SEMA7A: variants seen among roughly 807,000 people sequenced by gnomAD.
SEMA7A encodes semaphorin-7A.
Under a neutral mutation model 67.5 loss-of-function variants are expected in SEMA7A, and 21 were observed. The observed-to-expected ratio is 0.31, with a 90% CI of 0.22 to 0.45. SEMA7A has a LOEUF of 0.45. SEMA7A is among the 20% of genes least tolerant of loss of function. SEMA7A has a pLI of 1.00. For missense variants in SEMA7A, 774 were observed against 908.6 expected (o/e 0.85, Z 1.90); for synonymous variants, 364 against 368.5 (o/e 0.99, Z 0.14).
At position 74,414,663 on chromosome 15, in the gene SEMA7A, G is replaced by A. The variant is rs758797518; in HGVS notation, c.1178C>T (p.Pro393Leu). ...RHPEVAQRVE[P>L]MGPLKTPLFH... ...CAATGGCGTCTTCAGAGGCCCCATGGGCTCCACCCTCTGCGCCACCTCTGG... is the reference window on the plus strand; with the variant it reads ...CAATGGCGTCTTCAGAGGCCCCATGAGCTCCACCCTCTGCGCCACCTCTGG... The change falls in exon 10 of 14, where the codon CCC (proline) becomes CTC (leucine). Residue 393 changes from proline (P) to leucine (L), a missense_variant. By Grantham distance (98) the Pro-to-Leu change is moderately conservative. Around this residue, in one of 2 missense-constraint regions of SEMA7A, gnomAD observed 427 missense variants for 555.4 expected, o/e 0.77. Transcript: ENST00000261918. This position sits in a 1 kb window ranked among gnomAD's most constrained non-coding sequence, Gnocchi z 4.1. 1.2e-6 allele frequency: 2 copies of A among 1,614,128 alleles called. No individual in the cohort carries two copies. Among genetic ancestry groups the A allele is most frequent in the South Asian group, 2.2e-5 (2 of 91,080 alleles).
At position 74,433,886 on chromosome 15, in the gene SEMA7A, G is replaced by A. The variant is rs1184099316; in HGVS notation, c.33C>T (p.Pro11=). 2 of 1,269,208 alleles carry A rather than the reference G, an allele frequency of 1.6e-6. No individual in the cohort carries two copies. Among genetic ancestry groups the A allele is most frequent in the East Asian group, 6.3e-5 (2 of 31,612 alleles). The allele number at this position is 1,269,208 out of a possible 1,614,324, so 78.6% of individuals were successfully genotyped here. A position where few individuals can be genotyped will look rare whatever the true frequency, so the allele number is the denominator to read the frequency against. Residue 11 remains proline (P), a synonymous_variant, in exon 1 of 14, where the codon CCC becomes CCT. Transcript: ENST00000261918. MTPPPPGRAA[P]SAPRARVPGP... ...CAGGGACGCGGGCGCGCGGTGCGCT[G>A]GGGGCGGCACGTCCGGGCGGAGGAG...
In SEMA7A at chr15:74,417,587, C is replaced by G. The variant is rs2060962622; in HGVS notation, c.550+4G>C. The stretch of plus-strand genomic sequence containing the variant: ...CTGGGGCGCCTGCTCCAGCACTGCC[C>G]TACCTTCAAACAGAACCAGGGAGTT... On this transcript the variant is annotated splice_donor_region_variant and intron_variant, in intron 5 of 13. Coordinates refer to ENST00000261918, the MANE Select transcript of SEMA7A (RefSeq NM_003612.5). The G allele has an allele frequency of 1.2e-6, 2 of 1,612,026 alleles. No homozygotes were observed. The highest frequency in any genetic ancestry group is 1.7e-4 in the Middle Eastern group (1 of 6,060).
rs2061017332 is a variant in SEMA7A at position 74,423,445 on chromosome 15, G to T, written c.179-4493C>A. Among the ~76,000 whole-genome samples the T allele has an allele frequency of 6.6e-6, 1 of 152,118 alleles. No homozygotes were observed. The highest frequency in any genetic ancestry group is 2.4e-5 in the African/African-American group (1 of 41,424). ...CACCGGCCCAAGGACACAGAGCGAGGGAAGCTCCAAGTTTCCAGTACCCAT... is the reference window on the plus strand; with the variant it reads ...CACCGGCCCAAGGACACAGAGCGAGTGAAGCTCCAAGTTTCCAGTACCCAT... On this transcript the variant is annotated intron_variant, in intron 1 of 13. Transcript: ENST00000261918. This position sits in a 1 kb window ranked among gnomAD's most constrained non-coding sequence, Gnocchi z 4.1.
intron 4 of SEMA7A, 41 bp downstream of exon 4, chr15:74,417,836 G>A (rs2060965233): frequency 6.3e-7 from 1 of 1,598,066 alleles, no homozygotes; most frequent in Admixed American, 1.7e-5. Flanking sequence ...CCACGCAGTA[G>A]AAGGTGAGCT....
At chr15:74,431,766 G>A (rs544407286) in intron 1 of SEMA7A, among the ~76,000 whole-genome samples, 2 of 152,384 alleles carry the variant, frequency 1.3e-5, no homozygotes, top group South Asian at 2.1e-4. Flanking sequence ...CCCTGGGGGT[G>A]GGGGGCAGGT....
rs1320348943 is a variant in SEMA7A at position 74,414,525 on chromosome 15, G to A, written c.1294+22C>T. 2 of 1,609,950 alleles carry A rather than the reference G, an allele frequency of 1.2e-6. No individual in the cohort carries two copies. The highest frequency in any genetic ancestry group is 1.1e-5 in the South Asian group (1 of 90,984). ...TGCCCGTTTTTACAAAGCAAACTGA[G>A]GGTCCCGGGGTAGCCTCTCACCTGT... is the stretch of plus-strand genomic sequence containing the variant. On this transcript the variant is annotated intron_variant, in intron 10 of 13. Coordinates refer to ENST00000261918, the MANE Select transcript of SEMA7A (RefSeq NM_003612.5). The surrounding 1 kb of genome is among the most constrained non-coding windows in gnomAD (Gnocchi z 4.1).
chr15:74,420,831 G>A (rs908774359), intron 1 of SEMA7A, among the ~76,000 whole-genome samples: 6 of 152,172 alleles, frequency 3.9e-5, no homozygotes, highest in Admixed American at 3.3e-4. Context: ...CCCATCCACC[G>A]ATAGCCAGAC....
rs2060960993 is a variant in SEMA7A, at chr15:74,417,427, G to A, written c.569C>T (p.Thr190Ile). Reference protein sequence around the residue: ...VLFEGDEVYSTIRKQEYNGKI... With the variant: ...VLFEGDEVYSIIRKQEYNGKI... ...CCCATTGTATTCCTGCTTCCGGATG[G>A]TGGAATACACCTCGTCCCCTGGGGT... The change falls in exon 6 of 14, where the codon ACC becomes ATC. Residue 190 changes from threonine (T) to isoleucine (I), a missense_variant. By Grantham distance (89) the Thr-to-Ile change is moderately conservative (BLOSUM62 -1). Coordinates refer to ENST00000261918, the MANE Select transcript of SEMA7A (RefSeq NM_003612.5). 5.0e-6 allele frequency: 8 copies of A among 1,613,810 alleles called. No individual in the cohort carries two copies. Among genetic ancestry groups the A allele is most frequent in the Middle Eastern group, 3.3e-4 (2 of 6,084 alleles).
rs1169827546 is a variant in SEMA7A at position 74,414,938 on chromosome 15, G to A, written c.995C>T (p.Ser332Leu). ...ACCGAGGGAATACACACAGACGGCTGAGTAGTTCCTGCAGTGACATGGAGA... is the reference window on the plus strand; with the variant it reads ...ACCGAGGGAATACACACAGACGGCTAAGTAGTTCCTGCAGTGACATGGAGA... ...YGVFSNPWNY[S>L]AVCVYSLGDI... Residue 332 changes from serine (S) to leucine (L), a missense_variant, in exon 9 of 14, where the codon TCA becomes TTA. By Grantham distance (145) the Ser-to-Leu change is moderately radical (BLOSUM62 -2). Transcript: ENST00000261918. The surrounding 1 kb of genome is among the most constrained non-coding windows in gnomAD (Gnocchi z 4.1). 1 of 1,613,864 alleles carries A rather than the reference G, an allele frequency of 6.2e-7. No homozygotes were observed. The highest frequency in any genetic ancestry group is 8.5e-7 in the Non-Finnish European group (1 of 1,179,888).
Position 74,418,291 on chromosome 15 carries a change from T to C in SEMA7A, c.349A>G (p.Lys117Glu). ...ACCCGCTTATCCAGACAGGACCCCT[T>C]TGTGGAGCCGATATTCACCTGGGGG... Reference protein sequence around the residue: ...SVRTVNIGSTKGSCLDKRDCE... With the variant: ...SVRTVNIGSTEGSCLDKRDCE... The change falls in exon 3 of 14, where the codon AAG (lysine) becomes GAG (glutamate). Residue 117 changes from lysine to glutamate, a missense_variant. By Grantham distance (56) the Lys-to-Glu change is moderately conservative. Coordinates refer to ENST00000261918, the MANE Select transcript of SEMA7A (RefSeq NM_003612.5). 5 of 1,611,548 alleles carry C rather than the reference T, an allele frequency of 3.1e-6. No individual in the cohort carries two copies. The South Asian group carries it at 5.5e-5, about 18-fold the overall frequency.
intron 1 of SEMA7A, among the ~76,000 whole-genome samples, chr15:74,421,845 A>T (rs1306034371): frequency 6.6e-6 from 1 of 152,202 alleles, no homozygotes; most frequent in African/African-American, 2.4e-5. Context: ...CTGCCCAGGC[A>T]GGGGCTGAGC....
In SEMA7A at chr15:74,416,865, C is replaced by T. The variant is rs191682710; in HGVS notation, c.662-151G>A. On this transcript the variant is annotated intron_variant, in intron 6 of 13. Coordinates refer to ENST00000261918, the MANE Select transcript of SEMA7A (RefSeq NM_003612.5). The stretch of plus-strand genomic sequence containing the variant: ...ACTCAGAACATCAGGTCCAACTCCC[C>T]GAGGGGCCCTAGACCCTGCACCTCC... The T allele has an allele frequency of 1.2e-4, 101 of 828,606 alleles. No individual in the cohort carries two copies. The Admixed American group carries it at 1.5e-3, about 12-fold the overall frequency. 51.3% of individuals were successfully genotyped at this position (828,606 alleles called of 1,614,324 possible).
intron 6 of SEMA7A, 109 bp from the exon 7 acceptor site, chr15:74,416,823 A>G (rs978713362): frequency 9.5e-6 from 12 of 1,257,860 alleles, no homozygotes; most frequent in Middle Eastern, 2.4e-4. Flanking sequence ...ACCATGGCAA[A>G]TCAGATCTGG....
chr15:74,409,539 G>A lies in SEMA7A; in HGVS notation c.*1085C>T, dbSNP rs966800976. 8.5e-5 allele frequency: 13 copies of A among 152,252 alleles called. 1 individual carries two copies. Among genetic ancestry groups the A allele is most frequent in the African/African-American group, 2.9e-4 (12 of 41,454 alleles). 9.4% of individuals were successfully genotyped at this position (152,252 alleles called of 1,614,324 possible). On this transcript the variant is annotated 3_prime_UTR_variant, in exon 14 of 14. Coordinates refer to ENST00000261918, the MANE Select transcript of SEMA7A (RefSeq NM_003612.5). ...TTTAGCCTAAGTTATAACATGTCCT[G>A]AGCGAAGGTGGGAGGCTAGGAGCAT...
chr15:74,429,787 GC>G (rs1431551023), intron 1 of SEMA7A, among the ~76,000 whole-genome samples: 1 of 151,966 alleles, frequency 6.6e-6, no homozygotes, highest in Non-Finnish European at 1.5e-5. Context: ...TCACATGGGG[GC>G]CCCTCACATG....
chr15:74,429,338 C>A (rs2061068528), intron 1 of SEMA7A, among the ~76,000 whole-genome samples: 1 of 152,164 alleles, frequency 6.6e-6, no homozygotes, highest in Non-Finnish European at 1.5e-5. Context: ...CCTTGCTTGG[C>A]CCTCCTCAAA....
At position 74,416,034 on chromosome 15, in the gene SEMA7A, C is replaced by T. The variant is rs778722704; in HGVS notation, c.802-49G>A. 14 of 1,564,132 alleles carry T rather than the reference C, an allele frequency of 9.0e-6. No individual in the cohort carries two copies. In the East Asian group the frequency reaches 2.9e-4, roughly 33 times the overall value. The stretch of plus-strand genomic sequence containing the variant: ...GGCCCCTCAGCACCTGCCCGGGCTT[C>T]CCCACACACCCCAGGAAACCACTGC... On this transcript the variant is annotated intron_variant, in intron 7 of 13. Coordinates refer to ENST00000261918, the MANE Select transcript of SEMA7A (RefSeq NM_003612.5).
At chr15:74,416,739 C>T (rs373620148) in intron 6 of SEMA7A, 25 bp from the exon 7 acceptor site, 44 of 1,609,754 alleles carry the variant, frequency 2.7e-5, no homozygotes, top group Admixed American at 3.3e-5. Context: ...GGCGAGTGGG[C>T]GTAAGGCTGG....
chr15:74,420,949 C>G (rs2060995447), intron 1 of SEMA7A, among the ~76,000 whole-genome samples: 1 of 152,250 alleles, frequency 6.6e-6, no homozygotes, highest in Non-Finnish European at 1.5e-5. Flanking sequence ...TCAGACTGTG[C>G]TAGCCACCTT....
Sources: gnomAD v4.1 joint callset for allele counts (sites outside exome capture counted in the v4.1 genomes callset) on GRCh38, gnomAD v4.1.1 for gene constraint, gnomAD v4.1.1 regional missense constraint, Gnocchi (gnomAD v3.1) non-coding constraint, MANE v1.5 for transcripts, NCBI Gene and HGNC (gene_info 2026-07-23, HGNC 2026-07-21) for gene names.